The following PHF14 variants were observed in gnomAD, a reference collection of about 807,000 sequenced individuals.
PHF14 encodes the protein PHD finger protein 14.
A neutral mutation model predicts 117.9 loss-of-function variants in PHF14; 55 were observed. The ratio of observed to expected loss-of-function variants is 0.47; its 90% CI spans 0.38 to 0.58. The LOEUF is 0.58. Ranked by LOEUF, PHF14 falls within the 20% of genes least tolerant of loss-of-function variation. The pLI, the probability that PHF14 is intolerant of heterozygous loss-of-function variation, is 0.00. For missense variants in PHF14, 978 were observed against 1,122.2 expected, an observed-to-expected ratio of 0.87 and a Z score of 1.84; for synonymous variants, 409 against 368.6, an observed-to-expected ratio of 1.11 and a Z score of -1.26.
intron 16 of PHF14, among the ~76,000 whole-genome samples, chr7:11,070,775 C>T (rs536137482): frequency 3.9e-5 from 6 of 152,056 alleles, no homozygotes; most frequent in South Asian, 4.2e-4. Flanking sequence ...TTCTAATGAC[C>T]GTGATAGTCT....
At chr7:11,154,673 A>T (rs1318212258) in intron 17 of PHF14, among the ~76,000 whole-genome samples, 1 of 152,194 alleles carries the variant, frequency 6.6e-6, no homozygotes, top group Admixed American at 6.5e-5. Context: ...CTCTACAATG[A>T]CAACATCATG....
chr7:11,090,681 T>C (rs1189572197), intron 16 of PHF14, among the ~76,000 whole-genome samples: 15 of 152,226 alleles, frequency 9.9e-5, no homozygotes, highest in Admixed American at 9.8e-4. Flanking sequence ...CTGTGTTTGT[T>C]TCTTCTCACC....
In PHF14 at chr7:10,982,902, C is replaced by G; in HGVS notation, c.643C>G (p.Arg215Gly). ...DYDSEDDNDWRPTVVKRKGRS... is the reference protein window; with the variant it reads ...DYDSEDDNDWGPTVVKRKGRS... Reference sequence around the variant, plus strand: ...TGACAGTGAGGATGACAATGATTGGCGACCTACTGTAGTAAAGAGAAAAGG... The same window carrying G: ...TGACAGTGAGGATGACAATGATTGGGGACCTACTGTAGTAAAGAGAAAAGG... The change falls in exon 3 of 18, where the codon CGA (arginine) becomes GGA (glycine). Residue 215 changes from arginine (R) to glycine (G), a missense_variant. Arg to Gly is a moderately radical substitution (Grantham distance 125). Transcript: ENST00000634607. 1 of 1,612,332 alleles carries G rather than the reference C, an allele frequency of 6.2e-7. No homozygotes were observed. The highest frequency in any genetic ancestry group is 8.5e-7 in the Non-Finnish European group (1 of 1,178,738).
intron 5 of PHF14, among the ~76,000 whole-genome samples, chr7:11,016,424 T>C (rs1248279946): frequency 6.6e-6 from 1 of 152,092 alleles, no homozygotes; most frequent in Non-Finnish European, 1.5e-5. Flanking sequence ...ACTTTTTTCC[T>C]TCTATTCTTG....
rs192096145 is a variant in PHF14, at chr7:11,086,387, A to G, written c.2654+24302A>G. Among the ~76,000 whole-genome samples the G allele has an allele frequency of 8.2e-4, 125 of 152,110 alleles. 2 individuals are homozygous for G. In the Middle Eastern group the frequency reaches 0.01, roughly 12 times the overall value. The stretch of plus-strand genomic sequence containing the variant: ...AGGTCATTTTTTCTTTCTAAAACTA[A>G]CCTGTTGCTTTTATGCCATCTTGCT... On this transcript the variant is annotated intron_variant, in intron 16 of 17. Transcript: ENST00000634607.
At chr7:11,122,356 C>T (rs867608587) in intron 17 of PHF14, among the ~76,000 whole-genome samples, 1,266 of 69,566 alleles carry the variant, frequency 0.018, 18 homozygotes, top group African/African-American at 0.074. Context: ...TATATATACA[C>T]ACACACACAC....
intron 17 of PHF14, among the ~76,000 whole-genome samples, chr7:11,117,522 T>C (rs922330828): frequency 2.7e-5 from 4 of 147,162 alleles, no homozygotes; most frequent in Non-Finnish European, 6.0e-5. Flanking sequence ...TAATTTTGGT[T>C]TTATTTTTTA....
chr7:11,149,452 G>A (rs1562486577), intron 17 of PHF14, among the ~76,000 whole-genome samples: 2 of 152,070 alleles, frequency 1.3e-5, no homozygotes, highest in Non-Finnish European at 2.9e-5. Context: ...AAAAATGGAT[G>A]AAATGATTTT....
intron 16 of PHF14, among the ~76,000 whole-genome samples, chr7:11,084,416 G>A (rs555327354): frequency 6.6e-6 from 1 of 151,702 alleles, no homozygotes; most frequent in East Asian, 1.9e-4. Flanking sequence ...TTTCCTCTAA[G>A]TACAAACAAA....
chr7:11,097,963 T>A (rs1002337630), intron 16 of PHF14, among the ~76,000 whole-genome samples: 1 of 152,114 alleles, frequency 6.6e-6, no homozygotes, highest in East Asian at 1.9e-4. Context: ...GGGAGTGTAT[T>A]TGAAGCTATA....
chr7:10,978,750 AC>A (rs1428293439), intron 2 of PHF14, among the ~76,000 whole-genome samples: 1 of 151,760 alleles, frequency 6.6e-6, no homozygotes, highest in African/African-American at 2.4e-5. Flanking sequence ...CCTCACCTCC[AC>A]CTCCACTTCC....
chr7:10,989,006 C>T (rs1249836607), intron 3 of PHF14, among the ~76,000 whole-genome samples: 2 of 152,072 alleles, frequency 1.3e-5, no homozygotes, highest in Admixed American at 6.6e-5. Flanking sequence ...TACTGTAAAA[C>T]CAGATGAGTT....
intron 16 of PHF14, chr7:11,104,243 A>G (rs1053258252): frequency 6.1e-6 from 6 of 984,030 alleles, no homozygotes; most frequent in Middle Eastern, 5.2e-4. Flanking sequence ...GGTGGTGGAT[A>G]TTCTATTCCA....
At chr7:11,102,997 A>T in intron 16 of PHF14, 1 of 995,448 alleles carries the variant, frequency 1.0e-6, no homozygotes, top group African/African-American at 1.7e-5. Context: ...AACAAGAAAG[A>T]CAATGCATTC....
At chr7:11,030,147 C>T (rs1355910725) in intron 7 of PHF14, among the ~76,000 whole-genome samples, 1 of 150,638 alleles carries the variant, frequency 6.6e-6, no homozygotes, top group Non-Finnish European at 1.5e-5. Flanking sequence ...CAGTGAGCAT[C>T]TTCTCAGCTA....
chr7:10,974,423 A>G (rs376336711), intron 1 of PHF14, 99 bp downstream of exon 1: 3 of 1,015,638 alleles, frequency 3.0e-6, no homozygotes, highest in South Asian at 2.7e-5. Flanking sequence ...GTCCTGCGGG[A>G]AAGCAGGATT....
chr7:11,106,677 G>T, intron 16 of PHF14: 1 of 983,836 alleles, frequency 1.0e-6, no homozygotes. Flanking sequence ...ATAGATTTGC[G>T]TAGATGTTTG....
chr7:11,050,251 G>C (rs1784812092), intron 13 of PHF14, among the ~76,000 whole-genome samples: 1 of 152,052 alleles, frequency 6.6e-6, no homozygotes, highest in African/African-American at 2.4e-5. Context: ...GAAAATACTT[G>C]CTATGAGAAT....
intron 2 of PHF14, among the ~76,000 whole-genome samples, chr7:10,981,649 A>G (rs1022498962): frequency 1.3e-5 from 2 of 152,178 alleles, no homozygotes; most frequent in African/African-American, 4.8e-5. Context: ...TCTAGAGCAT[A>G]TAGTAGTTAC....
Sources: allele counts gnomAD v4.1 joint callset (sites outside exome capture counted in the v4.1 genomes callset), GRCh38; gene constraint gnomAD v4.1.1; transcripts MANE v1.5; gene names NCBI Gene and HGNC (gene_info 2026-07-23, HGNC 2026-07-21).